Variants in BCAS3 observed in about 807,000 individuals in gnomAD.
BCAS3 encodes the protein BCAS4/BCAS3 fusion.
In BCAS3, 53 loss-of-function variants were observed where a neutral mutation model predicts 116.1. The ratio of observed to expected loss-of-function variants is 0.46; its 90% CI spans 0.37 to 0.57. BCAS3 has a LOEUF of 0.57. Among genes scored for constraint, BCAS3 ranks in the 20% least tolerant of loss-of-function variants. The pLI is 0.00. For missense variants in BCAS3, 917 were observed against 1,165.4 expected (o/e 0.79, Z 3.10); for synonymous variants, 391 against 408.2 (o/e 0.96, Z 0.51).
chr17:61,055,077 AG>A (rs2069239063), intron 19 of BCAS3, among the ~76,000 whole-genome samples: 1 of 152,192 alleles, frequency 6.6e-6, no homozygotes, highest in Non-Finnish European at 1.5e-5. Flanking sequence ...TAGTGGGGAT[AG>A]GGGATGCAGG....
intron 22 of BCAS3, among the ~76,000 whole-genome samples, chr17:61,216,311 G>A (rs1296490205): frequency 6.6e-6 from 1 of 152,094 alleles, no homozygotes; most frequent in Non-Finnish European, 1.5e-5. Context: ...TGCCCCTAGT[G>A]GGATTATATC....
rs1469804982 is a variant in BCAS3, at chr17:61,343,149, G to A, written c.2426-25178G>A. 1.3e-5 allele frequency among the ~76,000 whole-genome samples: 2 copies of A among 152,198 alleles called. No individual in the cohort carries two copies. The highest frequency in any genetic ancestry group is 4.8e-5 in the African/African-American group (2 of 41,452). ...CCACCGAGGAGGGTCAATTCGTGGA[G>A]GGGTGGCACCAAATGCCTCTATCAT... On this transcript the variant is annotated intron_variant, in intron 22 of 23. Transcript: ENST00000407086. The surrounding 1 kb of genome is among the most constrained non-coding windows in gnomAD (Gnocchi z 5.5).
chr17:61,263,132 C>T (rs78689149), intron 22 of BCAS3, among the ~76,000 whole-genome samples: 1,775 of 152,200 alleles, frequency 0.012, 27 homozygotes, highest in African/African-American at 0.04. Context: ...AAGTGTTCAC[C>T]GAGGGGAGTC....
chr17:60,861,982 A>G (rs998120004), intron 7 of BCAS3, among the ~76,000 whole-genome samples: 1 of 152,108 alleles, frequency 6.6e-6, no homozygotes, highest in African/African-American at 2.4e-5. Flanking sequence ...AGGTTTTGGT[A>G]TCAGAATGAA....
At chr17:61,120,203 A>G (rs981731592) in intron 22 of BCAS3, among the ~76,000 whole-genome samples, 6 of 152,114 alleles carry the variant, frequency 3.9e-5, no homozygotes, top group Admixed American at 3.3e-4. Flanking sequence ...ATAAGTAGGA[A>G]TTTCACAACA....
chr17:61,014,819 C>A (rs1459279160), intron 15 of BCAS3, among the ~76,000 whole-genome samples: 7 of 152,030 alleles, frequency 4.6e-5, no homozygotes, highest in Non-Finnish European at 2.9e-5. Flanking sequence ...ACAAAAGTTA[C>A]CTGTATTTCT....
At chr17:60,748,448 C>G (rs896313861) in intron 6 of BCAS3, among the ~76,000 whole-genome samples, 1 of 152,152 alleles carries the variant, frequency 6.6e-6, no homozygotes, top group Non-Finnish European at 1.5e-5. Flanking sequence ...GTCACTCTCT[C>G]TCTTGTTCTG....
At chr17:61,254,189 T>G (rs1397118993) in intron 22 of BCAS3, among the ~76,000 whole-genome samples, 1 of 152,188 alleles carries the variant, frequency 6.6e-6, no homozygotes, top group African/African-American at 2.4e-5. Flanking sequence ...TGTTTGTTTT[T>G]TATTTAAAAC....
chr17:60,842,138 A>T (rs2144764473), intron 7 of BCAS3, among the ~76,000 whole-genome samples: 1 of 152,336 alleles, frequency 6.6e-6, no homozygotes, highest in South Asian at 2.1e-4. Context: ...AATAACTGCT[A>T]GTTACTTTTA....
At chr17:61,246,471 GA>G (rs1007852809) in intron 22 of BCAS3, among the ~76,000 whole-genome samples, 385 of 33,464 alleles carry the variant, frequency 0.012, 1 homozygote, top group Middle Eastern at 0.014. Context: ...GACTGTCTCA[GA>G]AAAAAAAAAA....
At chr17:61,201,852 G>A (rs368531130) in intron 22 of BCAS3, among the ~76,000 whole-genome samples, 13 of 150,718 alleles carry the variant, frequency 8.6e-5, no homozygotes, top group Admixed American at 4.0e-4. Context: ...TCCGCCTCCC[G>A]GGTTCAAGTG....
At chr17:60,758,678 G>A (rs757853161) in intron 6 of BCAS3, among the ~76,000 whole-genome samples, 44 of 151,974 alleles carry the variant, frequency 2.9e-4, no homozygotes, top group Non-Finnish European at 5.7e-4. Context: ...CACCGCACCC[G>A]GCCGCTTTTC....
At position 61,044,465 on chromosome 17, in the gene BCAS3, A is replaced by AATATATAT. The variant is rs1555683922; in HGVS notation, c.2029+3580_2029+3587dup. Among the ~76,000 whole-genome samples the AATATATAT allele has an allele frequency of 7.3e-4, 88 of 119,978 alleles. 1 individual carries two copies. Among genetic ancestry groups the AATATATAT allele is most frequent in the African/African-American group, 4.0e-3 (80 of 19,940 alleles). The allele number at this position is 119,978 out of a possible 152,430, so 78.7% of individuals were successfully genotyped here. A position where few individuals can be genotyped will look rare whatever the true frequency, so the allele number is the denominator to read the frequency against. Reference sequence around the variant, plus strand: ...CTGTCTCAAAAAAAAAAAAAAAAAAAATATATATATATATGCCATAAGAAC... The same window carrying AATATATAT: ...CTGTCTCAAAAAAAAAAAAAAAAAAAATATATATATATATATATATATGCCATAAGAAC... On this transcript the variant is annotated intron_variant, in intron 19 of 23. Coordinates refer to ENST00000407086, the MANE Select transcript of BCAS3 (RefSeq NM_017679.5).
intron 10 of BCAS3, among the ~76,000 whole-genome samples, chr17:60,900,488 A>G (rs528354664): frequency 6.6e-6 from 1 of 152,266 alleles, no homozygotes; most frequent in East Asian, 1.9e-4. Flanking sequence ...CAAGCAGGCT[A>G]CTTGTCTTCC....
In BCAS3 at chr17:61,387,233, G is replaced by T. The variant is rs951602194; in HGVS notation, c.2594-4744G>T. On this transcript the variant is annotated intron_variant, in intron 23 of 23. Coordinates refer to ENST00000407086, the MANE Select transcript of BCAS3 (RefSeq NM_017679.5). The surrounding 1 kb of genome is among the most constrained non-coding windows in gnomAD (Gnocchi z 6.2). ...AAGGGGCCACAACACTGCACTGTGG[G>T]TGGAGGTGCATGGGCCCATGCTGCA... 2.6e-5 allele frequency among the ~76,000 whole-genome samples: 4 copies of T among 152,212 alleles called. No individual in the cohort carries two copies. Among genetic ancestry groups the T allele is most frequent in the African/African-American group, 9.6e-5 (4 of 41,452 alleles).
In BCAS3 at chr17:60,930,952, A is replaced by C. The variant is rs527851682; in HGVS notation, c.1087+6452A>C. 2.2e-4 allele frequency among the ~76,000 whole-genome samples: 34 copies of C among 152,326 alleles called. No individual in the cohort carries two copies. The South Asian group carries it at 7.0e-3, about 32-fold the overall frequency. ...CATGTAGGTTGGTTGACTGGGTGGC[A>C]TACATTTCTGTCTTGTATGGGACCT... On this transcript the variant is annotated intron_variant, in intron 13 of 23. Transcript: ENST00000407086.
At chr17:60,842,225 A>G (rs775614187) in intron 7 of BCAS3, among the ~76,000 whole-genome samples, 36 of 152,220 alleles carry the variant, frequency 2.4e-4, no homozygotes, top group Admixed American at 3.3e-4. Context: ...TGATAGGTAT[A>G]TCCTACCACT....
chr17:60,730,400 T>A (rs1278290313), intron 5 of BCAS3, among the ~76,000 whole-genome samples: 2 of 152,232 alleles, frequency 1.3e-5, no homozygotes, highest in African/African-American at 4.8e-5. Context: ...GCTGTTTTCT[T>A]TATGTGGTCA....
At chr17:60,739,624 A>G (rs1332621298) in intron 5 of BCAS3, among the ~76,000 whole-genome samples, 1 of 152,212 alleles carries the variant, frequency 6.6e-6, no homozygotes, top group African/African-American at 2.4e-5. Flanking sequence ...CTGTCTGAAA[A>G]AAAAAGGAAA....
Sources: gnomAD v4.1 joint callset for allele counts (sites outside exome capture counted in the v4.1 genomes callset) on GRCh38, gnomAD v4.1.1 for gene constraint, Gnocchi (gnomAD v3.1) non-coding constraint, MANE v1.5 for transcripts, NCBI Gene and HGNC (gene_info 2026-07-23, HGNC 2026-07-21) for gene names.